Variants in MICALL2 observed in about 807,000 individuals in gnomAD.
MICALL2 encodes the protein MICAL-like protein 2.
MICALL2 carries 111 observed loss-of-function variants against 91.1 expected under a neutral mutation model. That is an observed-to-expected ratio of 1.22 (90% CI 1.04 to 1.43). The LOEUF (loss-of-function observed/expected upper bound fraction) is 1.43. MICALL2 is among the 40% of genes most tolerant of loss of function. The pLI is 0.00. For synonymous variants in MICALL2, 694 were observed against 525.3 expected (o/e 1.32, Z -4.39); for missense variants, 1,556 against 1,236.0 (o/e 1.26, Z -3.88).
At chr7:1,438,400 C>T (rs1780091877) in intron 10 of MICALL2, 47 bp from the exon 11 acceptor site, 1 of 1,565,660 alleles carries the variant, frequency 6.4e-7, no homozygotes, top group Admixed American at 1.9e-5. Flanking sequence ...CCACCAGGCC[C>T]AACGTGACCA....
chr7:1,444,214 A>G (rs28631099), intron 6 of MICALL2, among the ~76,000 whole-genome samples: 580 of 95,452 alleles, frequency 6.1e-3, no homozygotes, highest in African/African-American at 0.034. Context: ...CCCGCTCGCG[A>G]CCTGTCCCCG....
chr7:1,447,682 T>C lies in MICALL2; in HGVS notation c.418A>G (p.Lys140Glu). The C allele has an allele frequency of 6.3e-7, 1 of 1,582,910 alleles. No homozygotes were observed. The highest frequency in any genetic ancestry group is 8.6e-7 in the Non-Finnish European group (1 of 1,165,416). ...CGGGCTGGGGCGGGCGAGGGCAGCT[T>C]GGCCGCCTGGACTGGAGCCTTCTTC... ...SGKKAPVQAA[K>E]LPSPAPARKP... Residue 140 changes from lysine (K) to glutamate (E), a missense_variant, in exon 4 of 17, where the codon AAG becomes GAG. Transcript: ENST00000297508.
rs369410891 is a variant in MICALL2, at chr7:1,445,261, G to A, written c.809C>T (p.Ser270Phe). 4.3e-6 allele frequency: 7 copies of A among 1,612,356 alleles called. No homozygotes were observed. The highest frequency in any genetic ancestry group is 5.9e-6 in the Non-Finnish European group (7 of 1,179,854). ...CTCCTGGGCCTTCTGTGGGGAACAG[G>A]AGGTCCTGGAATCCACACCCATGGC... ...PGAMGVDSRT[S>F]CSPQKAQEAN... Residue 270 changes from serine (S) to phenylalanine (F), a missense_variant, in exon 6 of 17, where the codon TCC becomes TTC. Physicochemically the swap from Ser to Phe is radical, Grantham distance 155 (BLOSUM62 -2). Transcript: ENST00000297508.
rs1291201442 is a variant in MICALL2 at position 1,447,838 on chromosome 7, C to CAGTGCCCAGCACAGGCCTT, written c.335-92_335-74dup. ...AAGGGTCTAGTCCCTCCAGAGGTCC[C>CAGTGCCCAGCACAGGCCTT]AGTGCCCAGCACAGGCCTTGGTGCC... is the stretch of plus-strand genomic sequence containing the variant. On this transcript the variant is annotated intron_variant, in intron 3 of 16. Coordinates refer to ENST00000297508, the MANE Select transcript of MICALL2 (RefSeq NM_182924.4). 2.4e-6 allele frequency: 3 copies of CAGTGCCCAGCACAGGCCTT among 1,224,610 alleles called. No individual in the cohort carries two copies. The East Asian group carries it at 8.5e-5, about 35-fold the overall frequency. The allele number at this position is 1,224,610 out of a possible 1,614,324, so 75.9% of individuals were successfully genotyped here. A position where few individuals can be genotyped will look rare whatever the true frequency, so the allele number is the denominator to read the frequency against.
intron 3 of MICALL2, among the ~76,000 whole-genome samples, 156 bp downstream of exon 3, chr7:1,448,464 T>C (rs909335130): frequency 2.0e-5 from 3 of 150,912 alleles, no homozygotes; most frequent in Admixed American, 2.0e-4. Context: ...GGCCTCTTGC[T>C]GCTTCACAGC....
At chr7:1,434,725 G>C in intron 16 of MICALL2, 53 bp from the exon 17 acceptor site, 1 of 1,490,670 alleles carries the variant, frequency 6.7e-7, no homozygotes, top group African/African-American at 1.4e-5. Flanking sequence ...CCGCACAGCC[G>C]TGGCCCACAC....
chr7:1,450,936 C>G (rs1780803274), intron 1 of MICALL2, among the ~76,000 whole-genome samples: 1 of 152,228 alleles, frequency 6.6e-6, no homozygotes. Context: ...GGAGCAGACA[C>G]CGGTTATGTC....
In MICALL2 at chr7:1,451,246, G is replaced by C. The variant is rs562818180; in HGVS notation, c.144-958C>G. Among the ~76,000 whole-genome samples, 32 of 152,238 alleles carry C rather than the reference G, an allele frequency of 2.1e-4. No individual in the cohort carries two copies. Among genetic ancestry groups the C allele is most frequent in the South Asian group, 6.2e-4 (3 of 4,822 alleles). On this transcript the variant is annotated intron_variant, in intron 1 of 16. Coordinates refer to ENST00000297508, the MANE Select transcript of MICALL2 (RefSeq NM_182924.4). The surrounding 1 kb of genome is among the most constrained non-coding windows in gnomAD (Gnocchi z 4.5). ...TCCTGGGACTCCTGATGGGCACCTT[G>C]GGAGGATACCCTGGGCAGAAAACAC...
intron 1 of MICALL2, 58 bp from the exon 2 acceptor site, chr7:1,450,346 G>T: frequency 7.2e-7 from 1 of 1,383,222 alleles, no homozygotes. Context: ...GGAGGGGCTG[G>T]AGGGCCTCAG....
At chr7:1,435,250 G>T in intron 15 of MICALL2, 103 bp from the exon 16 acceptor site, 2 of 1,201,820 alleles carry the variant, frequency 1.7e-6, no homozygotes, top group Non-Finnish European at 2.4e-6. Context: ...CCTGAGTCCC[G>T]CCTGGACCCA....
chr7:1,437,869 G>A (rs1458670628), intron 13 of MICALL2, 21 bp downstream of exon 13: 9 of 1,545,062 alleles, frequency 5.8e-6, no homozygotes, highest in Middle Eastern at 2.2e-4. Context: ...TTCGAGGAGG[G>A]GCCCACGGCT....
rs368535175 is a variant in MICALL2 at position 1,442,156 on chromosome 7, C to T, written c.1711+36G>A. ...CAGGGGAGAGTCCCAGAGCTGCGGG[C>T]CCCCGGGGCCTCCTGCCTCCCAGCC... On this transcript the variant is annotated intron_variant, in intron 7 of 16. Coordinates refer to ENST00000297508, the MANE Select transcript of MICALL2 (RefSeq NM_182924.4). 3.3e-4 allele frequency: 530 copies of T among 1,603,496 alleles called. 1 individual carries two copies. Among genetic ancestry groups the T allele is most frequent in the Non-Finnish European group, 4.2e-4 (490 of 1,175,584 alleles).
Position 1,445,381 on chromosome 7 carries a change from G to A in MICALL2, c.689C>T (p.Thr230Ile). 6.3e-7 allele frequency: 1 copy of A among 1,581,420 alleles called. No homozygotes were observed. Among genetic ancestry groups the A allele is most frequent in the East Asian group, 2.3e-5 (1 of 43,598 alleles). Residue 230 changes from threonine to isoleucine, a missense_variant, in exon 6 of 17, where the codon ACA becomes ATA. Thr to Ile is a moderately conservative substitution (Grantham distance 89, BLOSUM62 -1). Coordinates refer to ENST00000297508, the MANE Select transcript of MICALL2 (RefSeq NM_182924.4). Reference protein sequence around the residue: ...CTLHSGAYKATGEPGTFVCTS... With the variant: ...CTLHSGAYKAIGEPGTFVCTS... Reference sequence around the variant, plus strand: ...GCAGACGAAGGTGCCCGGCTCTCCTGTGGCCTTGTAGGCCCCCGAGTGCAG... The same window carrying A: ...GCAGACGAAGGTGCCCGGCTCTCCTATGGCCTTGTAGGCCCCCGAGTGCAG...
intron 1 of MICALL2, chr7:1,450,527 T>C (rs1188161381): frequency 6.0e-6 from 3 of 502,398 alleles, no homozygotes; most frequent in East Asian, 3.6e-5. Context: ...TCACCTCCTG[T>C]ACCCTGACAG....
At chr7:1,443,642 G>A (rs1031712974) in intron 6 of MICALL2, among the ~76,000 whole-genome samples, 2 of 152,196 alleles carry the variant, frequency 1.3e-5, no homozygotes, top group East Asian at 3.8e-4. Flanking sequence ...GGAGAAGACA[G>A]ACAGAGAGAA....
chr7:1,439,693 A>G lies in MICALL2; in HGVS notation c.1966+232T>C, dbSNP rs532216478. 2.1e-3 allele frequency: 892 copies of G among 426,660 alleles called. 5 individuals carry two copies. Among genetic ancestry groups the G allele is most frequent in the African/African-American group, 0.016 (780 of 48,624 alleles). 26.4% of individuals were successfully genotyped at this position (426,660 alleles called of 1,614,324 possible). ...AACACAGATGTACACATGCGCACAC[A>G]TGCATCACGCATGGATACAGGCATC... is the stretch of plus-strand genomic sequence containing the variant. On this transcript the variant is annotated intron_variant, in intron 9 of 16. Coordinates refer to ENST00000297508, the MANE Select transcript of MICALL2 (RefSeq NM_182924.4).
chr7:1,455,751 G>A (rs1374844007), intron 1 of MICALL2, among the ~76,000 whole-genome samples: 1 of 151,994 alleles, frequency 6.6e-6, no homozygotes, highest in Middle Eastern at 3.2e-3. Flanking sequence ...AAGCGGAAGT[G>A]CTCTCTGCGT....
intron 3 of MICALL2, 43 bp from the exon 4 acceptor site, chr7:1,447,808 T>C: frequency 7.1e-7 from 1 of 1,413,998 alleles, no homozygotes; most frequent in Non-Finnish European, 9.4e-7. Context: ...CAGGCCTGGC[T>C]CTGAAAGGGT....
chr7:1,439,936 G>A lies in MICALL2; in HGVS notation c.1955C>T (p.Pro652Leu). The A allele has an allele frequency of 2.0e-6, 3 of 1,472,802 alleles. No individual in the cohort carries two copies. The highest frequency in any genetic ancestry group is 2.7e-6 in the Non-Finnish European group (3 of 1,118,306). 91.2% of individuals were successfully genotyped at this position (1,472,802 alleles called of 1,614,324 possible). Residue 652 changes from proline to leucine, a missense_variant, in exon 9 of 17, where the codon CCC becomes CTC. Transcript: ENST00000297508. ...DRTPRPASPG[P>L]SLPARSPSPP... The stretch of plus-strand genomic sequence containing the variant: ...CCGTCCAGGAGTACCTGGGAGGCTG[G>A]GTCCTGGGCTGGCTGGGCGTGGGGT...
Sources: gnomAD v4.1 joint callset for allele counts (sites outside exome capture counted in the v4.1 genomes callset) on GRCh38, gnomAD v4.1.1 for gene constraint, Gnocchi (gnomAD v3.1) non-coding constraint, MANE v1.5 for transcripts, NCBI Gene and HGNC (gene_info 2026-07-23, HGNC 2026-07-21) for gene names.